RIT2: variants seen among roughly 807,000 people sequenced by gnomAD.
RIT2 encodes GTP-binding protein Rit2.
RIT2 carries 24 observed loss-of-function variants against 23.7 expected under a neutral mutation model. The observed-to-expected ratio is 1.01, with a 90% CI of 0.73 to 1.43. The LOEUF (loss-of-function observed/expected upper bound fraction) is 1.43. RIT2 is among the 40% of genes most tolerant of loss of function. The pLI, the probability that RIT2 is intolerant of heterozygous loss-of-function variation, is 0.00. For synonymous variants in RIT2, 107 were observed against 91.1 expected, an observed-to-expected ratio of 1.17 and a Z score of -0.99; for missense variants, 236 against 266.9, an observed-to-expected ratio of 0.88 and a Z score of 0.81.
At chr18:42,822,940 G>C (rs1906193414) in intron 4 of RIT2, among the ~76,000 whole-genome samples, 1 of 152,148 alleles carries the variant, frequency 6.6e-6, no homozygotes, top group Non-Finnish European at 1.5e-5. Context: ...TGGAAGCAGA[G>C]TTTAGGCAGG....
chr18:43,101,712 T>C (rs2144238784), intron 1 of RIT2, among the ~76,000 whole-genome samples: 1 of 152,360 alleles, frequency 6.6e-6, no homozygotes, highest in East Asian at 1.9e-4. Context: ...AGACCACTTG[T>C]ATTCCTGTCA....
chr18:42,951,212 T>G (rs1047737360), intron 3 of RIT2, among the ~76,000 whole-genome samples: 7 of 152,034 alleles, frequency 4.6e-5, no homozygotes, highest in Admixed American at 6.6e-5. Flanking sequence ...ATGTAGAAAA[T>G]GTAGTGTATA....
intron 4 of RIT2, among the ~76,000 whole-genome samples, chr18:42,778,748 T>C (rs935450213): frequency 3.9e-5 from 6 of 152,136 alleles, no homozygotes; most frequent in African/African-American, 1.4e-4. Flanking sequence ...AATGTCTATA[T>C]CCGAAGAGCT....
chr18:43,054,932 T>C (rs1912464669), intron 1 of RIT2, among the ~76,000 whole-genome samples: 1 of 152,120 alleles, frequency 6.6e-6, no homozygotes, highest in Admixed American at 6.6e-5. Context: ...TTCAATCTGC[T>C]GATTGTTTTC....
chr18:42,830,790 ATAGGTT>A (rs1431621160), intron 4 of RIT2, among the ~76,000 whole-genome samples: 1 of 152,160 alleles, frequency 6.6e-6, no homozygotes, highest in Admixed American at 6.6e-5. Flanking sequence ...TCAATCATAG[ATAGGTT>A]TATAATAAGT....
At chr18:43,003,802 A>T (rs1265206930) in intron 2 of RIT2, among the ~76,000 whole-genome samples, 1 of 130,362 alleles carries the variant, frequency 7.7e-6, no homozygotes, top group Admixed American at 8.1e-5. Flanking sequence ...ACACACACAC[A>T]CACACACATT....
At chr18:42,852,828 CCTTTCTTTCTTTT>C (rs368227713) in intron 4 of RIT2, among the ~76,000 whole-genome samples, 6,466 of 121,496 alleles carry the variant, frequency 0.053, 469 homozygotes, top group East Asian at 0.35. Context: ...TTCCTTCCTT[CCTTTCTTTCTTTT>C]CTTTCTTTTT....
intron 4 of RIT2, among the ~76,000 whole-genome samples, chr18:42,846,009 CT>C (rs1243150389): frequency 6.6e-6 from 1 of 151,678 alleles, no homozygotes; most frequent in East Asian, 1.9e-4. Context: ...AAAATTCAAA[CT>C]AAAAATGTAG....
At chr18:42,762,024 T>C (rs1208359483) in intron 4 of RIT2, among the ~76,000 whole-genome samples, 2 of 152,184 alleles carry the variant, frequency 1.3e-5, no homozygotes, top group African/African-American at 4.8e-5. Flanking sequence ...ATTATTGTCA[T>C]TAGAGATACT....
At chr18:42,933,728 C>T (rs1004166756) in intron 3 of RIT2, among the ~76,000 whole-genome samples, 1 of 152,076 alleles carries the variant, frequency 6.6e-6, no homozygotes, top group Non-Finnish European at 1.5e-5. Flanking sequence ...AGTCAATTAA[C>T]CTCTTTCCTG....
chr18:42,978,904 G>A (rs1421290956), intron 2 of RIT2, among the ~76,000 whole-genome samples: 1 of 152,114 alleles, frequency 6.6e-6, no homozygotes, highest in East Asian at 1.9e-4. Flanking sequence ...CAACGCATGG[G>A]AGTTCTATAA....
intron 4 of RIT2, among the ~76,000 whole-genome samples, chr18:42,881,951 T>C (rs1334773830): frequency 6.6e-6 from 1 of 152,222 alleles, no homozygotes; most frequent in African/African-American, 2.4e-5. Flanking sequence ...CAAACCACAT[T>C]GCTCATTTAA....
At chr18:42,808,223 GA>G (rs958897899) in intron 4 of RIT2, among the ~76,000 whole-genome samples, 1 of 152,160 alleles carries the variant, frequency 6.6e-6, no homozygotes, top group African/African-American at 2.4e-5. Context: ...CTGCTGAGAA[GA>G]ACTAAAATAT....
chr18:42,778,091 A>C (rs1913716972), intron 4 of RIT2, among the ~76,000 whole-genome samples: 1 of 152,084 alleles, frequency 6.6e-6, no homozygotes, highest in Non-Finnish European at 1.5e-5. Flanking sequence ...CATGCTGCCT[A>C]TGGCTGGCTG....
chr18:42,760,753 T>C (rs1913281189), intron 4 of RIT2, among the ~76,000 whole-genome samples: 1 of 152,188 alleles, frequency 6.6e-6, no homozygotes, highest in South Asian at 2.1e-4. Flanking sequence ...AGAAGGCCAT[T>C]TGCTTCTTAT....
chr18:42,969,944 C>G (rs1056631807), intron 3 of RIT2, among the ~76,000 whole-genome samples: 2 of 151,954 alleles, frequency 1.3e-5, no homozygotes, highest in Non-Finnish European at 2.9e-5. Context: ...TTCACTTCCC[C>G]AAACCTCAAG....
At chr18:43,050,634 G>T (rs978267825) in intron 1 of RIT2, among the ~76,000 whole-genome samples, 1 of 152,146 alleles carries the variant, frequency 6.6e-6, no homozygotes, top group Non-Finnish European at 1.5e-5. Flanking sequence ...ATCCCCTTCT[G>T]TCCTCCATCT....
chr18:42,757,439 T>C (rs926172336), intron 4 of RIT2, among the ~76,000 whole-genome samples: 4 of 152,144 alleles, frequency 2.6e-5, no homozygotes, highest in African/African-American at 9.7e-5. Context: ...TTGGGCTCCT[T>C]CAAGCTCACA....
chr18:43,004,169 C>A (rs1279122085), intron 2 of RIT2, among the ~76,000 whole-genome samples: 2 of 151,778 alleles, frequency 1.3e-5, no homozygotes, highest in African/African-American at 4.8e-5. Flanking sequence ...TTTCATATTA[C>A]TGTATTTAAA....
Sources: allele counts gnomAD v4.1 joint callset (sites outside exome capture counted in the v4.1 genomes callset), GRCh38; gene constraint gnomAD v4.1.1; transcripts MANE v1.5; gene names NCBI Gene and HGNC (gene_info 2026-07-23, HGNC 2026-07-21).